Variants in KDR observed in about 807,000 individuals in gnomAD.
The protein encoded by KDR is vascular endothelial growth factor receptor 2.
Under a neutral mutation model 160.9 loss-of-function variants are expected in KDR, and 43 were observed. The ratio of observed to expected loss-of-function variants is 0.27; its 90% CI spans 0.21 to 0.34. The LOEUF is 0.34. KDR is among the 10% of genes least tolerant of loss of function. The pLI is 1.00. For missense variants in KDR, 1,469 were observed against 1,666.4 expected (o/e 0.88, Z 2.06); for synonymous variants, 617 against 600.1 (o/e 1.03, Z -0.41).
intron 1 of KDR, among the ~76,000 whole-genome samples, chr4:55,124,354 A>C (rs1720974517): frequency 6.6e-6 from 1 of 152,320 alleles, no homozygotes; most frequent in Admixed American, 6.5e-5. Flanking sequence ...GGAAGAAAAG[A>C]CAGACAGCTA....
intron 29 of KDR, 103 bp from the exon 30 acceptor site, chr4:55,080,266 G>A (rs1560510986): frequency 7.2e-6 from 7 of 966,234 alleles, no homozygotes; most frequent in Non-Finnish European, 1.1e-5. Flanking sequence ...CATCTCCCTG[G>A]AGACCGCAGC....
intron 16 of KDR, 35 bp from the exon 17 acceptor site, chr4:55,098,307 C>A: frequency 1.2e-6 from 2 of 1,612,874 alleles, no homozygotes; most frequent in Non-Finnish European, 1.7e-6. Context: ...CATAAACACA[C>A]TGTTGTTTGG....
chr4:55,098,860 T>C (rs890220785), intron 15 of KDR, 57 bp from the exon 16 acceptor site: 3 of 1,373,530 alleles, frequency 2.2e-6, no homozygotes, highest in Admixed American at 3.4e-5. Context: ...TTTTTGTTTG[T>C]AAGATGACAA....
rs1043882790 is a variant in KDR, at chr4:55,101,751, T to C, written c.2266+146A>G. ...CTTATAAGTGAGAATGTGTGGCGTT[T>C]GGTTTTCTGTTCCTGTGTTAGTTTG... On this transcript the variant is annotated intron_variant, in intron 15 of 29. Transcript: ENST00000263923. 7 of 697,622 alleles carry C rather than the reference T, an allele frequency of 1.0e-5. No individual in the cohort carries two copies. In the African/African-American group the frequency reaches 1.2e-4, roughly 12 times the overall value. 43.2% of individuals were successfully genotyped at this position (697,622 alleles called of 1,614,324 possible). A position where few individuals can be genotyped will look rare whatever the true frequency, so the allele number is the denominator to read the frequency against.
chr4:55,090,284 G>A (rs1298721539), intron 22 of KDR, among the ~76,000 whole-genome samples: 2 of 152,136 alleles, frequency 1.3e-5, no homozygotes, highest in Admixed American at 6.5e-5. Context: ...AACAGCCCCA[G>A]CCTTTGGAGT....
In KDR at chr4:55,078,553, T is replaced by C. The variant is rs572639898; in HGVS notation, c.*1388A>G. 4.3e-6 allele frequency: 1 copy of C among 232,644 alleles called. No homozygotes were observed. Among genetic ancestry groups the C allele is most frequent in the East Asian group, 6.1e-5 (1 of 16,436 alleles). The allele number at this position is 232,644 out of a possible 1,614,324, so 14.4% of individuals were successfully genotyped here. On this transcript the variant is annotated 3_prime_UTR_variant, in exon 30 of 30. Transcript: ENST00000263923. The stretch of plus-strand genomic sequence containing the variant: ...GCATTATGACCTTTGTTATGCTACA[T>C]AATACTGATACAAAATGTGAATAGT...
intron 13 of KDR, 130 bp from the exon 14 acceptor site, chr4:55,102,638 T>C: frequency 6.6e-6 from 6 of 911,676 alleles, no homozygotes; most frequent in East Asian, 2.6e-5. Context: ...TCTGGGAAAA[T>C]ACACTGGTCA....
intron 18 of KDR, chr4:55,096,667 G>A: frequency 2.6e-6 from 1 of 381,226 alleles, no homozygotes; most frequent in East Asian, 6.1e-5. Flanking sequence ...TGCATTTCAG[G>A]TTCACTATGA....
At chr4:55,119,837 T>C (rs184962307) in intron 2 of KDR, among the ~76,000 whole-genome samples, 26 of 152,262 alleles carry the variant, frequency 1.7e-4, no homozygotes, top group East Asian at 1.4e-3. Flanking sequence ...CCAAGGAAGA[T>C]AAGAAGATAG....
intron 13 of KDR, among the ~76,000 whole-genome samples, chr4:55,103,149 A>G (rs77775649): frequency 0.018 from 2,763 of 152,306 alleles, 89 homozygotes; most frequent in African/African-American, 0.063. Flanking sequence ...AAACACAAAC[A>G]AAACAACAAT....
intron 22 of KDR, 73 bp downstream of exon 22, chr4:55,092,544 G>A (rs1720044610): frequency 2.8e-6 from 3 of 1,053,076 alleles, no homozygotes; most frequent in South Asian, 1.3e-5. Context: ...AAGCACCAAT[G>A]GCTGACACTG....
chr4:55,094,959 T>TA lies in KDR; in HGVS notation c.2818-5dup. On this transcript the variant is annotated splice_polypyrimidine_tract_variant and splice_region_variant and intron_variant, in intron 20 of 29. Coordinates refer to ENST00000263923, the MANE Select transcript of KDR (RefSeq NM_002253.4). ...GACGGAATCGTGCCCCTTTGGTCTA[T>TA]AAAAAAGCAAAGGAACAAACAAACT... 1 of 1,613,572 alleles carries TA rather than the reference T, an allele frequency of 6.2e-7. No individual in the cohort carries two copies. The highest frequency in any genetic ancestry group is 8.5e-7 in the Non-Finnish European group (1 of 1,179,616).
chr4:55,118,533 T>A (rs1720787630), intron 3 of KDR, 71 bp downstream of exon 3: 2 of 1,226,792 alleles, frequency 1.6e-6, no homozygotes, highest in African/African-American at 1.5e-5. Flanking sequence ...TGTACTCAAT[T>A]CTTCTTTGAG....
intron 7 of KDR, among the ~76,000 whole-genome samples, chr4:55,111,642 T>A (rs574364468): frequency 6.6e-6 from 1 of 152,314 alleles, no homozygotes; most frequent in East Asian, 1.9e-4. Context: ...AAAACAAAAG[T>A]AATTCTATAA....
At chr4:55,099,332 A>G (rs1167438402) in intron 15 of KDR, among the ~76,000 whole-genome samples, 1 of 152,122 alleles carries the variant, frequency 6.6e-6, no homozygotes, top group African/African-American at 2.4e-5. Flanking sequence ...CAGAATTGTT[A>G]ATGGAAAATT....
intron 27 of KDR, among the ~76,000 whole-genome samples, chr4:55,085,161 A>G (rs1243065435): frequency 6.6e-6 from 1 of 152,236 alleles, no homozygotes; most frequent in Non-Finnish European, 1.5e-5. Context: ...CTGCCCTCAA[A>G]GAAAGATGAG....
chr4:55,123,663 A>G (rs1720953598), intron 1 of KDR, among the ~76,000 whole-genome samples: 2 of 152,134 alleles, frequency 1.3e-5, no homozygotes, highest in African/African-American at 4.8e-5. Context: ...CTTGAGCTGG[A>G]CTCTTCAGAA....
At chr4:55,080,224 C>T in intron 29 of KDR, 61 bp from the exon 30 acceptor site, 2 of 1,483,440 alleles carry the variant, frequency 1.3e-6, no homozygotes, top group Non-Finnish European at 1.9e-6. Flanking sequence ...TTGCTTTTTA[C>T]CCTCACCCCA....
intron 3 of KDR, 79 bp from the exon 4 acceptor site, chr4:55,115,490 T>C (rs1720712722): frequency 1.3e-6 from 1 of 782,964 alleles, no homozygotes; most frequent in Non-Finnish European, 2.3e-6. Context: ...TCCTAAACTC[T>C]AACCAGACAA....
Sources: allele counts gnomAD v4.1 joint callset (sites outside exome capture counted in the v4.1 genomes callset), GRCh38; gene constraint gnomAD v4.1.1; transcripts MANE v1.5; gene names NCBI Gene and HGNC (gene_info 2026-07-23, HGNC 2026-07-21).